The following SMCO2 variants were observed in gnomAD, a reference collection of about 807,000 sequenced individuals.
The protein encoded by SMCO2 is single-pass membrane and coiled-coil domain-containing protein 2.
SMCO2 carries 25 observed loss-of-function variants against 29.5 expected under a neutral mutation model. That is an observed-to-expected ratio of 0.85 (90% confidence interval 0.62 to 1.18). SMCO2 has a LOEUF of 1.18. Ranked by LOEUF, SMCO2 falls within the 50% of genes most tolerant of loss-of-function variation. The probability of loss-of-function intolerance (pLI) is 0.00; values close to 1 mark genes in which losing one functional copy is unlikely to be tolerated. For missense variants in SMCO2, 348 were observed against 344.5 expected, an observed-to-expected ratio of 1.01 and a Z score of -0.08; for synonymous variants, 117 against 123.3, an observed-to-expected ratio of 0.95 and a Z score of 0.34.
chr12:27,493,248 T>A lies in SMCO2; in HGVS notation c.451-1052T>A, dbSNP rs184604066. Among the ~76,000 whole-genome samples the A allele has an allele frequency of 2.4e-3, 360 of 152,054 alleles. 1 individual carries two copies. Among genetic ancestry groups the A allele is most frequent in the African/African-American group, 8.3e-3 (346 of 41,452 alleles). On this transcript the variant is annotated intron_variant, in intron 5 of 7. Transcript: ENST00000298876. ...TTGGCTACTGGGCTTAATTCCTGGGTGATGAAATAATCTGTACAGCAAACC... is the reference window on the plus strand; with the variant it reads ...TTGGCTACTGGGCTTAATTCCTGGGAGATGAAATAATCTGTACAGCAAACC...
At chr12:27,461,429 C>T in the SMCO2 span, among the ~76,000 whole-genome samples, 2 of 152,084 alleles carry the variant, frequency 1.3e-5, no homozygotes, top group Non-Finnish European at 2.9e-5. Flanking sequence ...CAAGTAGTCC[C>T]CAGCGTCTGT....
the SMCO2 span, among the ~76,000 whole-genome samples, chr12:27,427,197 T>C: frequency 6.6e-6 from 1 of 152,216 alleles, no homozygotes; most frequent in South Asian, 2.1e-4. Context: ...GGCAGTTTTT[T>C]CCTATTTATC....
chr12:27,451,647 T>C, the SMCO2 span, among the ~76,000 whole-genome samples: 1 of 152,222 alleles, frequency 6.6e-6, no homozygotes, highest in Non-Finnish European at 1.5e-5. Context: ...GGAGTCCACT[T>C]TAAATGAATA....
At chr12:27,448,430 G>A in the SMCO2 span, among the ~76,000 whole-genome samples, 2 of 152,300 alleles carry the variant, frequency 1.3e-5, no homozygotes, top group Admixed American at 6.5e-5. Context: ...GGCCACACTT[G>A]AACTTAATGC....
chr12:27,495,201 C>T (rs1942983203), intron 6 of SMCO2, among the ~76,000 whole-genome samples: 1 of 151,336 alleles, frequency 6.6e-6, no homozygotes, highest in Non-Finnish European at 1.5e-5. Flanking sequence ...CGTTCCCACA[C>T]CCTATTTGTT....
chr12:27,445,739 C>T, the SMCO2 span, among the ~76,000 whole-genome samples: 14 of 152,180 alleles, frequency 9.2e-5, no homozygotes, highest in East Asian at 1.9e-4. Flanking sequence ...GCTGCCATCA[C>T]GAAATACCAC....
chr12:27,457,066 G>A, the SMCO2 span, among the ~76,000 whole-genome samples: 559 of 152,190 alleles, frequency 3.7e-3, 4 homozygotes, highest in African/African-American at 0.013. Context: ...TGGAAAAATT[G>A]TCTTTCACGA....
upstream of SMCO2, among the ~76,000 whole-genome samples, chr12:27,465,431 G>T (rs1310328424): frequency 1.3e-5 from 2 of 152,168 alleles, no homozygotes; most frequent in Non-Finnish European, 2.9e-5. Context: ...GGGGACTGAA[G>T]GCTGGATACT....
intron 1 of SMCO2, among the ~76,000 whole-genome samples, chr12:27,469,577 C>A (rs1949524675): frequency 6.6e-6 from 1 of 152,152 alleles, no homozygotes; most frequent in Non-Finnish European, 1.5e-5. Context: ...CCTCTTGTCC[C>A]TCAGGGTGCT....
the SMCO2 span, among the ~76,000 whole-genome samples, chr12:27,461,140 C>T: frequency 6.6e-6 from 1 of 152,146 alleles, no homozygotes; most frequent in African/African-American, 2.4e-5. Context: ...TACTTTAAAT[C>T]AGTTCCAGAT....
chr12:27,481,422 A>G (rs551527969), intron 4 of SMCO2, among the ~76,000 whole-genome samples: 1 of 152,306 alleles, frequency 6.6e-6, no homozygotes, highest in Admixed American at 6.5e-5. Flanking sequence ...CTGGAGGGGT[A>G]TTGCCCTACA....
chr12:27,437,478 GA>G, the SMCO2 span, among the ~76,000 whole-genome samples: 1 of 151,914 alleles, frequency 6.6e-6, no homozygotes. Context: ...TTTTATGGTT[GA>G]TTTTGCCCAC....
the SMCO2 span, among the ~76,000 whole-genome samples, chr12:27,440,650 T>TTG: frequency 1.7e-5 from 2 of 118,732 alleles, no homozygotes; most frequent in Non-Finnish European, 3.3e-5. Context: ...TTCTGTGGGT[T>TTG]TTTTTTTTTT....
At chr12:27,424,621 C>A in the SMCO2 span, 1 of 152,144 alleles carries the variant, frequency 6.6e-6, no homozygotes, top group Non-Finnish European at 1.5e-5. Context: ...TATTTAGTTC[C>A]CAGACCATGT....
intron 4 of SMCO2, among the ~76,000 whole-genome samples, chr12:27,480,314 C>G (rs1949630810): frequency 6.6e-6 from 1 of 152,190 alleles, no homozygotes; most frequent in Non-Finnish European, 1.5e-5. Context: ...ACTCAAATGT[C>G]AATCTCCTCT....
chr12:27,486,801 C>A (rs1035912627), intron 4 of SMCO2, among the ~76,000 whole-genome samples: 5 of 152,190 alleles, frequency 3.3e-5, no homozygotes, highest in Non-Finnish European at 7.3e-5. Context: ...TTTGCAGAGA[C>A]CTGTAGACCA....
upstream of SMCO2, among the ~76,000 whole-genome samples, chr12:27,465,099 G>A (rs1048631887): frequency 1.3e-5 from 2 of 151,082 alleles, no homozygotes; most frequent in Admixed American, 6.6e-5. Context: ...GAATTTGGCC[G>A]AGTACCTGTG....
rs1024242211 is a variant in SMCO2, at chr12:27,501,736, G to A, written c.684-187G>A. 2.0e-5 allele frequency among the ~76,000 whole-genome samples: 3 copies of A among 150,572 alleles called. No homozygotes were observed. The East Asian group carries it at 5.8e-4, about 29-fold the overall frequency. ...GGCTATAGGATCTTGAAATTCCAAT[G>A]CCAGACCTAGCATGAACATAAATAA... On this transcript the variant is annotated intron_variant, in intron 7 of 7. Transcript: ENST00000298876.
At chr12:27,435,749 C>G in the SMCO2 span, among the ~76,000 whole-genome samples, 1 of 152,060 alleles carries the variant, frequency 6.6e-6, no homozygotes, top group African/African-American at 2.4e-5. Context: ...CTCTGGTGAC[C>G]CCATTTCTAC....
Sources: allele counts gnomAD v4.1 joint callset (sites outside exome capture counted in the v4.1 genomes callset), GRCh38; gene constraint gnomAD v4.1.1; transcripts MANE v1.5; gene names NCBI Gene and HGNC (gene_info 2026-07-23, HGNC 2026-07-21).